The following PDE1C variants were observed in gnomAD, a reference collection of about 807,000 sequenced individuals.
PDE1C encodes phosphodiesterase 1C, also known as dual specificity calcium/calmodulin-dependent 3',5'-cyclic nucleotide phosphodiesterase 1C.
Under a neutral mutation model 93.1 loss-of-function variants are expected in PDE1C, and 62 were observed. The observed-to-expected ratio is 0.67, with a 90% CI of 0.54 to 0.82. The LOEUF (loss-of-function observed/expected upper bound fraction) is 0.82, where lower values mean the gene tolerates loss of function less well. Ranked by LOEUF, PDE1C falls within the 40% of genes least tolerant of loss-of-function variation. The pLI is 0.00. For synonymous variants in PDE1C, 325 were observed against 310.1 expected (o/e 1.05, Z -0.50); for missense variants, 742 against 884.6 (o/e 0.84, Z 2.04).
At chr7:31,874,278 A>G (rs1796283085) in intron 5 of PDE1C, among the ~76,000 whole-genome samples, 1 of 152,260 alleles carries the variant, frequency 6.6e-6, no homozygotes, top group South Asian at 2.1e-4. Flanking sequence ...GCTTTGGCTT[A>G]TCATAACCAA....
intron 3 of PDE1C, among the ~76,000 whole-genome samples, chr7:32,115,215 A>G (rs567704986): frequency 1.5e-4 from 23 of 152,312 alleles, no homozygotes; most frequent in African/African-American, 5.1e-4. Context: ...GAATCAACCC[A>G]AATGCCCATC....
intron 1 of PDE1C, among the ~76,000 whole-genome samples, chr7:32,423,316 G>T (rs1441415349): frequency 1.3e-5 from 2 of 152,204 alleles, no homozygotes; most frequent in African/African-American, 4.8e-5. Flanking sequence ...GGTTGAGGCT[G>T]CAGTAAGCTG....
At chr7:32,213,197 T>C (rs1806177529) in intron 1 of PDE1C, among the ~76,000 whole-genome samples, 1 of 152,178 alleles carries the variant, frequency 6.6e-6, no homozygotes, top group South Asian at 2.1e-4. Context: ...TTTCAATTTT[T>C]AAACAATTGT....
At chr7:32,028,304 A>G (rs540676636) in intron 2 of PDE1C, among the ~76,000 whole-genome samples, 48 of 152,226 alleles carry the variant, frequency 3.2e-4, no homozygotes, top group African/African-American at 1.0e-3. Context: ...AACAGGTCCC[A>G]AGCTTCTCCC....
At chr7:31,777,274 C>A (rs1413677654) in intron 16 of PDE1C, among the ~76,000 whole-genome samples, 3 of 152,046 alleles carry the variant, frequency 2.0e-5, no homozygotes, top group African/African-American at 7.2e-5. Context: ...CCCAGAATCC[C>A]TGGGGAAGAG....
intron 2 of PDE1C, among the ~76,000 whole-genome samples, chr7:32,197,278 T>C (rs549384301): frequency 9.9e-5 from 15 of 152,278 alleles, no homozygotes; most frequent in African/African-American, 3.4e-4. Context: ...TAGGGTTAAA[T>C]TTATTTAAAT....
At chr7:32,116,215 A>G (rs933205243) in intron 3 of PDE1C, among the ~76,000 whole-genome samples, 3 of 152,134 alleles carry the variant, frequency 2.0e-5, no homozygotes, top group Non-Finnish European at 4.4e-5. Flanking sequence ...TAGTCAATGC[A>G]TTTCCCCTTT....
chr7:32,084,594 A>C (rs935463026), intron 3 of PDE1C, among the ~76,000 whole-genome samples: 15 of 151,966 alleles, frequency 9.9e-5, no homozygotes, highest in African/African-American at 3.6e-4. Context: ...TTGCACACAT[A>C]GTTGGAAGTA....
intron 2 of PDE1C, among the ~76,000 whole-genome samples, chr7:32,186,203 C>T (rs1178070436): frequency 6.6e-6 from 1 of 151,078 alleles, no homozygotes; most frequent in East Asian, 2.0e-4. Flanking sequence ...CCCGGGTTCA[C>T]GCCATTCTCC....
At chr7:32,309,142 G>A (rs534884591) in intron 1 of PDE1C, among the ~76,000 whole-genome samples, 166 of 152,304 alleles carry the variant, frequency 1.1e-3, no homozygotes, top group Admixed American at 2.0e-3. Context: ...TGGAAGAAAG[G>A]ATATCAGTGA....
the PDE1C span, among the ~76,000 whole-genome samples, chr7:31,639,698 G>A: frequency 4.0e-5 from 6 of 151,502 alleles, no homozygotes; most frequent in Admixed American, 6.6e-5. Flanking sequence ...CACCATGCCC[G>A]GCTAATTTTT....
intron 11 of PDE1C, among the ~76,000 whole-genome samples, chr7:31,831,684 T>C (rs1307693746): frequency 1.4e-5 from 2 of 146,832 alleles, no homozygotes; most frequent in African/African-American, 5.1e-5. Flanking sequence ...TAAAATAAAG[T>C]GAAGAAGAAA....
chr7:32,285,730 G>A (rs1811953901), intron 1 of PDE1C, among the ~76,000 whole-genome samples: 1 of 147,804 alleles, frequency 6.8e-6, no homozygotes, highest in East Asian at 2.0e-4. Flanking sequence ...GGAAGGGAAG[G>A]GAGTGGTACT....
At chr7:31,808,824 A>G (rs1229156998) in intron 16 of PDE1C, among the ~76,000 whole-genome samples, 1 of 151,952 alleles carries the variant, frequency 6.6e-6, no homozygotes, top group Non-Finnish European at 1.5e-5. Flanking sequence ...TTTGTGATGG[A>G]GAAAGTGGGG....
Position 31,873,332 on chromosome 7 carries a change from T to C in PDE1C, c.569A>G (p.Tyr190Cys), listed in dbSNP as rs762642481. The change falls in exon 6 of 18, where the codon TAT becomes TGT. Residue 190 changes from tyrosine (Y) to cysteine (C), a missense_variant. Tyr to Cys is a radical substitution (Grantham distance 194). Coordinates refer to ENST00000396191, the MANE Select transcript of PDE1C (RefSeq NM_001191057.4). Reference sequence around the variant, plus strand: ...CAGATCATAACGTGTGAGTAGTTCATAGAAAATAAATTTCAGTGCATGATC... The same window carrying C: ...CAGATCATAACGTGTGAGTAGTTCACAGAAAATAAATTTCAGTGCATGATC... ...SGDHALKFIF[Y>C]ELLTRYDLIS... The C allele has an allele frequency of 1.1e-5, 18 of 1,613,754 alleles. No homozygotes were observed. The highest frequency in any genetic ancestry group is 3.3e-5 in the Admixed American group (2 of 60,018).
intron 2 of PDE1C, among the ~76,000 whole-genome samples, chr7:31,957,121 T>G (rs1808254111): frequency 6.6e-6 from 1 of 151,054 alleles, no homozygotes; most frequent in East Asian, 1.9e-4. Context: ...ACTGTGGTAT[T>G]CAAACAGAAA....
chr7:32,228,102 A>G (rs534807298), intron 1 of PDE1C, among the ~76,000 whole-genome samples: 2 of 152,184 alleles, frequency 1.3e-5, no homozygotes, highest in South Asian at 4.1e-4. Context: ...ACACCTCTCT[A>G]CTGTCATTTT....
chr7:31,671,492 T>C, the PDE1C span, among the ~76,000 whole-genome samples: 1 of 152,178 alleles, frequency 6.6e-6, no homozygotes, highest in Non-Finnish European at 1.5e-5. Flanking sequence ...CTCACTGTGA[T>C]CACTCATTGC....
intron 7 of PDE1C, among the ~76,000 whole-genome samples, chr7:31,853,671 G>C (rs928018353): frequency 1.5e-4 from 1 of 6,862 alleles, no homozygotes; most frequent in African/African-American, 1.6e-4. Flanking sequence ...GAGGAGAGAA[G>C]GGAGATAAAA....
Sources: allele counts gnomAD v4.1 joint callset (sites outside exome capture counted in the v4.1 genomes callset), GRCh38; gene constraint gnomAD v4.1.1; transcripts MANE v1.5; gene names NCBI Gene and HGNC (gene_info 2026-07-23, HGNC 2026-07-21).